EXT1: variants seen among roughly 807,000 people sequenced by gnomAD.
The protein encoded by EXT1 is exostosin glycosyltransferase 1, also known as exostosin-1.
Under a neutral mutation model 82.5 loss-of-function variants are expected in EXT1, and 20 were observed. That is an observed-to-expected ratio of 0.24 (90% confidence interval 0.17 to 0.35). The LOEUF is 0.35. EXT1 is among the 10% of genes least tolerant of loss of function. The pLI, the probability that EXT1 is intolerant of heterozygous loss-of-function variation, is 1.00. For synonymous variants in EXT1, 348 were observed against 350.8 expected, an observed-to-expected ratio of 0.99 and a Z score of 0.09; for missense variants, 757 against 936.5, an observed-to-expected ratio of 0.81 and a Z score of 2.50.
intron 1 of EXT1, among the ~76,000 whole-genome samples, chr8:118,089,608 C>A (rs375830556): frequency 2.0e-5 from 3 of 152,316 alleles, no homozygotes; most frequent in South Asian, 4.1e-4. Context: ...CTGAACTCAA[C>A]AATGCTACAG....
At chr8:117,845,248 C>T (rs1484969909) in intron 1 of EXT1, among the ~76,000 whole-genome samples, 2 of 152,158 alleles carry the variant, frequency 1.3e-5, no homozygotes, top group African/African-American at 4.8e-5. Context: ...CCACTGGGGA[C>T]GTGGGGAAAG....
chr8:117,999,876 C>G (rs1262080174), intron 1 of EXT1, among the ~76,000 whole-genome samples: 1 of 152,034 alleles, frequency 6.6e-6, no homozygotes, highest in Non-Finnish European at 1.5e-5. Flanking sequence ...AACCTCAGAG[C>G]TGAGCTCAGA....
chr8:117,900,306 T>C (rs543012311), intron 1 of EXT1, among the ~76,000 whole-genome samples: 5 of 152,322 alleles, frequency 3.3e-5, no homozygotes, highest in African/African-American at 1.2e-4. Flanking sequence ...TGGGATTTTA[T>C]ACACACCACC....
intron 1 of EXT1, among the ~76,000 whole-genome samples, chr8:118,071,719 T>G (rs1288127213): frequency 2.0e-5 from 3 of 152,184 alleles, no homozygotes; most frequent in Non-Finnish European, 2.9e-5. Flanking sequence ...AATGCTGCAC[T>G]TGGTACTGGA....
intron 1 of EXT1, among the ~76,000 whole-genome samples, chr8:118,052,985 C>T (rs1364533097): frequency 6.6e-6 from 1 of 152,154 alleles, no homozygotes; most frequent in East Asian, 1.9e-4. Flanking sequence ...CAGCCGGCTG[C>T]CACTCATGAC....
chr8:118,063,157 T>TA (rs1491583816), intron 1 of EXT1, among the ~76,000 whole-genome samples: 25 of 152,134 alleles, frequency 1.6e-4, no homozygotes, highest in African/African-American at 5.3e-4. Flanking sequence ...ATTCATTTTT[T>TA]AAAAAAATAG....
chr8:118,047,595 A>G (rs1208462764), intron 1 of EXT1, among the ~76,000 whole-genome samples: 2 of 152,184 alleles, frequency 1.3e-5, no homozygotes, highest in East Asian at 3.8e-4. Flanking sequence ...TCCCATCCAT[A>G]CATCTCACTC....
chr8:118,049,166 C>T (rs1377957938), intron 1 of EXT1, among the ~76,000 whole-genome samples: 1 of 152,008 alleles, frequency 6.6e-6, no homozygotes, highest in African/African-American at 2.4e-5. Context: ...TCAATGGCTA[C>T]AAAATAAGCT....
intron 3 of EXT1, among the ~76,000 whole-genome samples, chr8:117,833,579 C>A (rs1037070668): frequency 1.7e-4 from 26 of 151,272 alleles, no homozygotes; most frequent in African/African-American, 6.1e-4. Context: ...CATGCCATGG[C>A]ACTCCAGCTT....
chr8:118,031,373 A>G (rs1816314763), intron 1 of EXT1, among the ~76,000 whole-genome samples: 1 of 151,994 alleles, frequency 6.6e-6, no homozygotes, highest in African/African-American at 2.4e-5. Context: ...ACAACTACAA[A>G]AATTAGCCAG....
intron 10 of EXT1, among the ~76,000 whole-genome samples, chr8:117,801,829 A>C (rs1449567250): frequency 6.6e-6 from 1 of 152,170 alleles, no homozygotes; most frequent in East Asian, 1.9e-4. Flanking sequence ...TGATTGGCCC[A>C]CTCATTCCCA....
chr8:117,883,276 C>T (rs1389180873), intron 1 of EXT1, among the ~76,000 whole-genome samples: 1 of 152,184 alleles, frequency 6.6e-6, no homozygotes, highest in African/African-American at 2.4e-5. Context: ...TAGTCCTGGG[C>T]ACCCAGCCTT....
chr8:118,038,905 A>G (rs1441063739), intron 1 of EXT1, among the ~76,000 whole-genome samples: 1 of 152,160 alleles, frequency 6.6e-6, no homozygotes. Context: ...ACATCTCACA[A>G]TGTCTGTTCC....
intron 1 of EXT1, among the ~76,000 whole-genome samples, chr8:118,070,518 A>G (rs1166179941): frequency 6.6e-6 from 1 of 152,204 alleles, no homozygotes. Context: ...TGAAAAATCA[A>G]AACTGAAAAT....
Position 117,797,165 on chromosome 8 carries a change from T to C in EXT1, c.*2547A>G, listed in dbSNP as rs947592604. ...CAATGCAATACAACTCTTTCCTAAC[T>C]GAATTAAAATTACATATTACTGTCG... On this transcript the variant is annotated 3_prime_UTR_variant, in exon 11 of 11. Transcript: ENST00000378204. The C allele has an allele frequency of 6.6e-6, 1 of 152,246 alleles. No individual in the cohort carries two copies. Among genetic ancestry groups the C allele is most frequent in the Non-Finnish European group, 1.5e-5 (1 of 68,046 alleles). The allele number at this position is 152,246 out of a possible 1,614,324, so 9.4% of individuals were successfully genotyped here.
rs114941945 is a variant in EXT1, at chr8:117,924,135, G to A, written c.963-86934C>T. 4.3e-3 allele frequency among the ~76,000 whole-genome samples: 648 copies of A among 152,238 alleles called. 2 individuals carry two copies. Among genetic ancestry groups the A allele is most frequent in the South Asian group, 8.7e-3 (42 of 4,822 alleles). Reference sequence around the variant, plus strand: ...CAATCTGCATTTTAAGAAAATAACTGGGTGATTCATATGGCCAACTCTAAA... The same window carrying A: ...CAATCTGCATTTTAAGAAAATAACTAGGTGATTCATATGGCCAACTCTAAA... On this transcript the variant is annotated intron_variant, in intron 1 of 10. Coordinates refer to ENST00000378204, the MANE Select transcript of EXT1 (RefSeq NM_000127.3).
At chr8:117,931,357 A>G (rs1196975719) in intron 1 of EXT1, among the ~76,000 whole-genome samples, 2 of 152,198 alleles carry the variant, frequency 1.3e-5, no homozygotes, top group African/African-American at 2.4e-5. Context: ...CAAAGGAGGC[A>G]TGCTTAGAAA....
intron 1 of EXT1, among the ~76,000 whole-genome samples, chr8:118,095,876 T>C (rs1446055648): frequency 6.6e-6 from 1 of 152,236 alleles, no homozygotes; most frequent in African/African-American, 2.4e-5. Context: ...CACAGGATTC[T>C]ACAAACTAAA....
intron 1 of EXT1, among the ~76,000 whole-genome samples, chr8:118,098,584 G>A (rs1214122639): frequency 1.3e-5 from 2 of 151,902 alleles, no homozygotes; most frequent in Non-Finnish European, 2.9e-5. Flanking sequence ...GTGAAACCCC[G>A]TCTCTACTAA....
Sources: gnomAD v4.1 joint callset for allele counts (sites outside exome capture counted in the v4.1 genomes callset) on GRCh38, gnomAD v4.1.1 for gene constraint, MANE v1.5 for transcripts, NCBI Gene and HGNC (gene_info 2026-07-23, HGNC 2026-07-21) for gene names.